The following SLC12A3 variants were observed in gnomAD, a reference collection of about 807,000 sequenced individuals.
SLC12A3 encodes the protein Na-Cl cotransporter.
SLC12A3 carries 104 observed loss-of-function variants against 121.0 expected under a neutral mutation model. That is an observed-to-expected ratio of 0.86 (90% CI 0.73 to 1.01). The LOEUF is 1.01. Ranked by LOEUF, SLC12A3 falls within the 50% of genes least tolerant of loss-of-function variation. The pLI, the probability that SLC12A3 is intolerant of heterozygous loss-of-function variation, is 0.00. For synonymous variants in SLC12A3, 536 were observed against 533.4 expected (o/e 1.00, Z -0.07); for missense variants, 1,328 against 1,356.3 (o/e 0.98, Z 0.33).
intron 25 of SLC12A3, among the ~76,000 whole-genome samples, chr16:56,909,470 C>A (rs1397784310): frequency 6.6e-6 from 1 of 150,574 alleles, no homozygotes; most frequent in African/African-American, 2.5e-5. Flanking sequence ...CCCCCACCCA[C>A]CAGCCTTTGT....
At chr16:56,902,601 G>A (rs1231725230) in intron 24 of SLC12A3, 93 bp downstream of exon 24, 10 of 1,485,124 alleles carry the variant, frequency 6.7e-6, no homozygotes, top group East Asian at 2.3e-5. Context: ...CCCTCCCCTC[G>A]ATCCTCCACC....
At chr16:56,896,584 C>CA (rs143090403) in intron 22 of SLC12A3, among the ~76,000 whole-genome samples, 4,764 of 151,706 alleles carry the variant, frequency 0.031, 261 homozygotes, top group African/African-American at 0.11. Flanking sequence ...CCATCTCTAC[C>CA]AAAAAACTTA....
chr16:56,911,307 TTTTG>T (rs10695057), intron 25 of SLC12A3, among the ~76,000 whole-genome samples: 7,424 of 148,398 alleles, frequency 0.05, 478 homozygotes, highest in African/African-American at 0.15. Context: ...TTTTGAGACC[TTTTG>T]TTTGTTTGTT....
At chr16:56,902,331 G>T (rs749447568) in intron 23 of SLC12A3, 42 bp from the exon 24 acceptor site, 35 of 1,613,542 alleles carry the variant, frequency 2.2e-5, no homozygotes, top group Non-Finnish European at 3.0e-5. Flanking sequence ...TAGAAATGGG[G>T]TTATCGTCTC....
intron 24 of SLC12A3, 112 bp from the exon 25 acceptor site, chr16:56,904,281 GTC>G (rs1567447886): frequency 1.0e-6 from 1 of 997,882 alleles, no homozygotes; most frequent in African/African-American, 1.6e-5. Context: ...AGGCAGCAGA[GTC>G]TACAAGTAAA....
At chr16:56,900,111 T>G (rs2055518102) in intron 23 of SLC12A3, among the ~76,000 whole-genome samples, 1 of 152,176 alleles carries the variant, frequency 6.6e-6, no homozygotes, top group Non-Finnish European at 1.5e-5. Context: ...CACTAAGGTA[T>G]GTTTCCTCCT....
At chr16:56,884,472 C>T (rs533509643) in intron 14 of SLC12A3, among the ~76,000 whole-genome samples, 2 of 152,348 alleles carry the variant, frequency 1.3e-5, no homozygotes, top group Non-Finnish European at 2.9e-5. Flanking sequence ...GCTTCCAGGG[C>T]CTGCTTCAGC....
Position 56,904,470 on chromosome 16 carries a change from G to A in SLC12A3, c.2924+8G>A. ...CGCTGCTCTCATCGTCATGTAAGTAGTGCCCGGCTGGTGGGAGGACCAGTC... is the reference window on the plus strand; with the variant it reads ...CGCTGCTCTCATCGTCATGTAAGTAATGCCCGGCTGGTGGGAGGACCAGTC... On this transcript the variant is annotated splice_region_variant and intron_variant, in intron 25 of 25. Transcript: ENST00000563236. 1 of 1,613,482 alleles carries A rather than the reference G, an allele frequency of 6.2e-7. No homozygotes were observed. The highest frequency in any genetic ancestry group is 8.5e-7 in the Non-Finnish European group (1 of 1,179,464).
intron 18 of SLC12A3, among the ~76,000 whole-genome samples, 172 bp from the exon 19 acceptor site, chr16:56,890,102 G>C (rs1274043292): frequency 6.6e-6 from 1 of 152,178 alleles, no homozygotes; most frequent in Admixed American, 6.5e-5. Flanking sequence ...GAGTCCTGGG[G>C]TACTCTCCAA....
Position 56,914,380 on chromosome 16 carries a change from A to G in SLC12A3, c.*975A>G, listed in dbSNP as rs56079121. On this transcript the variant is annotated 3_prime_UTR_variant, in exon 26 of 26. Transcript: ENST00000563236. ...GCGCACACACACGGAAACGACCAAA[A>G]CAAAAATGTCACAAAACAATACTTA... is the stretch of plus-strand genomic sequence containing the variant. The G allele has an allele frequency of 0.11, 17,052 of 152,266 alleles. 990 individuals are homozygous for G. The highest frequency in any genetic ancestry group is 0.13 in the Admixed American group (1,920 of 15,294). 9.4% of individuals were successfully genotyped at this position (152,266 alleles called of 1,614,324 possible). A position where few individuals can be genotyped will look rare whatever the true frequency, so the allele number is the denominator to read the frequency against.
intron 25 of SLC12A3, among the ~76,000 whole-genome samples, chr16:56,911,552 T>C (rs888805094): frequency 2.6e-5 from 4 of 152,200 alleles, no homozygotes; most frequent in Admixed American, 2.6e-4. Flanking sequence ...CTCAAACTCC[T>C]GGGCTCAAGT....
intron 18 of SLC12A3, 135 bp downstream of exon 18, chr16:56,888,166 C>A (rs528649597): frequency 6.2e-6 from 4 of 646,678 alleles, no homozygotes; most frequent in Middle Eastern, 3.2e-4. Flanking sequence ...GTAGTCCCAG[C>A]TACTTGGGAG....
rs1294084317 is a variant in SLC12A3 at position 56,913,359 on chromosome 16, T to C, written c.3020T>C (p.Leu1007Pro). 1 of 1,614,218 alleles carries C rather than the reference T, an allele frequency of 6.2e-7. No homozygotes were observed. Residue 1007 changes from leucine (L) to proline (P), a missense_variant, in exon 26 of 26, where the codon CTG becomes CCG. Coordinates refer to ENST00000563236, the MANE Select transcript of SLC12A3 (RefSeq NM_001126108.2). Reference protein sequence around the residue: ...LSQDLRPPVILIRGNQENVLT... With the variant: ...LSQDLRPPVIPIRGNQENVLT... ...CAGGACCTCAGACCTCCAGTCATCC[T>C]GATCCGAGGAAACCAGGAAAACGTG...
intron 23 of SLC12A3, 71 bp downstream of exon 23, chr16:56,899,687 C>A: frequency 9.1e-7 from 1 of 1,100,156 alleles, no homozygotes; most frequent in East Asian, 2.4e-5. Flanking sequence ...GCCGGCTGCC[C>A]CCTTTTTCCT....
intron 25 of SLC12A3, chr16:56,906,839 C>A: frequency 1.5e-6 from 1 of 659,734 alleles, no homozygotes; most frequent in Non-Finnish European, 2.8e-6. Flanking sequence ...AGAAAAAGAC[C>A]TCAAGAAAGC....
rs552969559 is a variant in SLC12A3 at position 56,887,226 on chromosome 16, C to G, written c.2178+133C>G. On this transcript the variant is annotated intron_variant, in intron 17 of 25. Transcript: ENST00000563236. ...GAGCCCCAACTTTTTTTTTTTGAGA[C>G]TTGTTTTACTTGTCACCCAGGCTGG... The G allele has an allele frequency of 4.6e-5, 46 of 996,330 alleles. No homozygotes were observed. The African/African-American group carries it at 6.7e-4, about 14-fold the overall frequency. 61.7% of individuals were successfully genotyped at this position (996,330 alleles called of 1,614,324 possible). A position where few individuals can be genotyped will look rare whatever the true frequency, so the allele number is the denominator to read the frequency against.
chr16:56,906,452 T>G (rs1189777218), intron 25 of SLC12A3: 1 of 158,736 alleles, frequency 6.3e-6, no homozygotes, highest in African/African-American at 2.4e-5. Context: ...AGACCTGACC[T>G]GGAGGTTTCT....
intron 15 of SLC12A3, among the ~76,000 whole-genome samples, chr16:56,885,647 C>T (rs1170517682): frequency 1.3e-5 from 2 of 152,206 alleles, no homozygotes; most frequent in African/African-American, 4.8e-5. Flanking sequence ...GCTCCCATCA[C>T]AGTATCGCCG....
rs199754415 is a variant in SLC12A3 at position 56,902,337 on chromosome 16, G to A, written c.2721-36G>A. Reference sequence around the variant, plus strand: ...TGGCACCCCTAGAAATGGGGTTATCGTCTCAGCCGGCCTCAACCCACTTTC... The same window carrying A: ...TGGCACCCCTAGAAATGGGGTTATCATCTCAGCCGGCCTCAACCCACTTTC... On this transcript the variant is annotated intron_variant, in intron 23 of 25. Transcript: ENST00000563236. 7.5e-5 allele frequency: 121 copies of A among 1,613,832 alleles called. 2 individuals are homozygous for A. The highest frequency in any genetic ancestry group is 6.0e-4 in the South Asian group (55 of 91,058).
Sources: gnomAD v4.1 joint callset for allele counts (sites outside exome capture counted in the v4.1 genomes callset) on GRCh38, gnomAD v4.1.1 for gene constraint, MANE v1.5 for transcripts, NCBI Gene and HGNC (gene_info 2026-07-23, HGNC 2026-07-21) for gene names.